The following BBS9 variants were observed in gnomAD, a reference collection of about 807,000 sequenced individuals.
The protein encoded by BBS9 is Bardet-Biedl syndrome 9.
Under a neutral mutation model 117.7 loss-of-function variants are expected in BBS9, and 89 were observed. The ratio of observed to expected loss-of-function variants is 0.76; its 90% confidence interval spans 0.64 to 0.90. The LOEUF (loss-of-function observed/expected upper bound fraction) is 0.90, where lower values mean the gene tolerates loss of function less well. Among genes scored for constraint, BBS9 ranks in the 40% least tolerant of loss-of-function variants. BBS9 has a pLI of 0.00. For missense variants in BBS9, 982 were observed against 1,042.2 expected (o/e 0.94, Z 0.80); for synonymous variants, 379 against 370.9 (o/e 1.02, Z -0.25).
chr7:33,483,920 T>G (rs115872247), intron 19 of BBS9, among the ~76,000 whole-genome samples: 1,730 of 152,318 alleles, frequency 0.011, 37 homozygotes, highest in African/African-American at 0.038. Flanking sequence ...TTTACAGATG[T>G]GAGCCACTGC....
intron 21 of BBS9, among the ~76,000 whole-genome samples, chr7:33,558,860 GA>G (rs1203134919): frequency 6.6e-6 from 1 of 152,162 alleles, no homozygotes; most frequent in Non-Finnish European, 1.5e-5. Context: ...GAATAATTTA[GA>G]GAATGAAATC....
intron 19 of BBS9, among the ~76,000 whole-genome samples, chr7:33,499,114 A>T (rs1845115812): frequency 6.6e-6 from 1 of 152,030 alleles, no homozygotes; most frequent in Non-Finnish European, 1.5e-5. Context: ...TTTTATAGAT[A>T]AAACCCCCAT....
At chr7:33,588,806 C>T (rs1361126979) in intron 21 of BBS9, among the ~76,000 whole-genome samples, 2 of 152,006 alleles carry the variant, frequency 1.3e-5, no homozygotes, top group African/African-American at 4.8e-5. Context: ...ACAAGTGTTT[C>T]AGGTAAAGGG....
At chr7:33,245,432 A>G (rs966544966) in intron 5 of BBS9, among the ~76,000 whole-genome samples, 4 of 152,154 alleles carry the variant, frequency 2.6e-5, no homozygotes, top group African/African-American at 9.7e-5. Context: ...AAACTCTGTA[A>G]TAATTTTGAA....
chr7:33,137,013 G>A (rs1790587037), intron 1 of BBS9, among the ~76,000 whole-genome samples: 1 of 152,066 alleles, frequency 6.6e-6, no homozygotes, highest in Admixed American at 6.5e-5. Flanking sequence ...GATCTATTTA[G>A]ATTTTTTATT....
At position 33,534,136 on chromosome 7, in the gene BBS9, A is replaced by G. The variant is rs1192112314; in HGVS notation, c.2481A>G (p.Leu827=). The change falls in exon 21 of 23, where the codon CTA becomes CTG. Residue 827 remains leucine (L), a synonymous_variant. Coordinates refer to ENST00000242067, the MANE Select transcript of BBS9 (RefSeq NM_198428.3). ...TATCCAAAGGTGGCCGTCTCTGCCT[A>G]AGTACCGATGCAGCAGCCCCACAGA... The part of the protein sequence containing the change: ...DRLSKGGRLC[L]STDAAAPQTM... 6.2e-7 allele frequency: 1 copy of G among 1,614,186 alleles called. No homozygotes were observed. Among genetic ancestry groups the G allele is most frequent in the Non-Finnish European group, 8.5e-7 (1 of 1,180,022 alleles).
chr7:33,223,510 C>T (rs1790665286), intron 5 of BBS9, among the ~76,000 whole-genome samples: 1 of 152,186 alleles, frequency 6.6e-6, no homozygotes, highest in South Asian at 2.1e-4. Context: ...TAGCCAACTC[C>T]TGCTCATTCA....
chr7:33,352,946 C>A, intron 15 of BBS9, 73 bp downstream of exon 15: 2 of 1,462,824 alleles, frequency 1.4e-6, no homozygotes, highest in Non-Finnish European at 9.5e-7. Context: ...GGTATTATAC[C>A]ATGAATGAAC....
chr7:33,313,580 T>C (rs904363699), intron 9 of BBS9, among the ~76,000 whole-genome samples: 2 of 152,202 alleles, frequency 1.3e-5, no homozygotes, highest in African/African-American at 4.8e-5. Context: ...AAACATTTCT[T>C]TACTACAAAA....
rs1280496973 is a variant in BBS9, at chr7:33,220,772, C to G, written c.443-36464C>G. On this transcript the variant is annotated intron_variant, in intron 5 of 22. Transcript: ENST00000242067. Reference sequence around the variant, plus strand: ...ACTAGTACCAAACAAATACTAGTGCCCTTTTTAATTCTCACATTTACATGG... The same window carrying G: ...ACTAGTACCAAACAAATACTAGTGCGCTTTTTAATTCTCACATTTACATGG... Among the ~76,000 whole-genome samples the G allele has an allele frequency of 3.3e-5, 5 of 152,206 alleles. No individual in the cohort carries two copies. The East Asian group carries it at 9.6e-4, about 29-fold the overall frequency.
At chr7:33,136,075 C>T (rs1357653855) in intron 1 of BBS9, among the ~76,000 whole-genome samples, 2 of 152,060 alleles carry the variant, frequency 1.3e-5, no homozygotes, top group Admixed American at 6.6e-5. Flanking sequence ...AGGTGCGCAC[C>T]AGCATACCTG....
At chr7:33,369,908 T>G (rs919258704) in intron 17 of BBS9, among the ~76,000 whole-genome samples, 9 of 152,196 alleles carry the variant, frequency 5.9e-5, no homozygotes, top group Admixed American at 2.0e-4. Context: ...TAGTAAACAG[T>G]CAAATGATTC....
At chr7:33,565,521 T>C (rs1856704637) in intron 21 of BBS9, among the ~76,000 whole-genome samples, 1 of 151,976 alleles carries the variant, frequency 6.6e-6, no homozygotes, top group Admixed American at 6.6e-5. Flanking sequence ...TTATTTTCTT[T>C]TGTTGTTTAT....
intron 21 of BBS9, among the ~76,000 whole-genome samples, chr7:33,535,462 A>G (rs538182005): frequency 6.8e-4 from 103 of 152,246 alleles, no homozygotes; most frequent in African/African-American, 2.4e-3. Flanking sequence ...CTTTACCTCA[A>G]CTATACATAG....
At chr7:33,566,391 A>T (rs1015098669) in intron 21 of BBS9, among the ~76,000 whole-genome samples, 2 of 151,950 alleles carry the variant, frequency 1.3e-5, no homozygotes, top group Admixed American at 6.6e-5. Context: ...ATATGTATAC[A>T]TTATGTATAT....
chr7:33,370,446 C>T (rs555925010), intron 17 of BBS9, among the ~76,000 whole-genome samples: 5 of 151,764 alleles, frequency 3.3e-5, no homozygotes, highest in South Asian at 2.1e-4. Context: ...CTCCAACCTG[C>T]GCAACAGAGT....
At chr7:33,326,879 C>T (rs560458433) in intron 9 of BBS9, among the ~76,000 whole-genome samples, 7 of 151,702 alleles carry the variant, frequency 4.6e-5, no homozygotes, top group African/African-American at 9.7e-5. Context: ...ACTCTTTACT[C>T]TCCTCTCTCC....
At chr7:33,597,555 C>T (rs1225984232) in intron 21 of BBS9, among the ~76,000 whole-genome samples, 2 of 152,134 alleles carry the variant, frequency 1.3e-5, no homozygotes, top group Non-Finnish European at 2.9e-5. Context: ...AGAAAATAAA[C>T]CAGCAAAGTC....
chr7:33,530,728 G>A (rs773003256), intron 20 of BBS9, among the ~76,000 whole-genome samples: 4 of 152,050 alleles, frequency 2.6e-5, no homozygotes, highest in Non-Finnish European at 5.9e-5. Context: ...AGTGATTTGG[G>A]GTAGGAAGCT....
Sources: allele counts gnomAD v4.1 joint callset (sites outside exome capture counted in the v4.1 genomes callset), GRCh38; gene constraint gnomAD v4.1.1; transcripts MANE v1.5; gene names NCBI Gene and HGNC (gene_info 2026-07-23, HGNC 2026-07-21).